The following KIF16B variants were observed in gnomAD, a reference collection of about 807,000 sequenced individuals.
KIF16B encodes kinesin family member 16B, also known as kinesin-like protein KIF16B.
KIF16B carries 98 observed loss-of-function variants against 156.3 expected under a neutral mutation model. The ratio of observed to expected loss-of-function variants is 0.63; its 90% CI spans 0.53 to 0.74. KIF16B has a LOEUF of 0.74. Ranked by LOEUF, KIF16B falls within the 30% of genes least tolerant of loss-of-function variation. The pLI, the probability that KIF16B is intolerant of heterozygous loss-of-function variation, is 0.00. For synonymous variants in KIF16B, 564 were observed against 583.7 expected (o/e 0.97, Z 0.49); for missense variants, 1,421 against 1,606.5 (o/e 0.88, Z 1.97).
intron 6 of KIF16B, among the ~76,000 whole-genome samples, chr20:16,510,794 A>G (rs75850958): frequency 0.24 from 36,243 of 152,220 alleles, 4,949 homozygotes; most frequent in East Asian, 0.36. Context: ...AGAACATGAA[A>G]GCACATCTCT....
intron 17 of KIF16B, among the ~76,000 whole-genome samples, chr20:16,404,589 C>CA (rs2065734266): frequency 6.6e-6 from 1 of 152,014 alleles, no homozygotes; most frequent in Admixed American, 6.6e-5. Flanking sequence ...TGCTGTTAAG[C>CA]AAAAAATCAG....
rs138901840 is a variant in KIF16B at position 16,380,023 on chromosome 20, C to T, written c.1979G>A (p.Arg660His). 129 of 1,596,412 alleles carry T rather than the reference C, an allele frequency of 8.1e-5. No homozygotes were observed. The African/African-American group carries it at 1.3e-3, about 16-fold the overall frequency. ...QIRKQEESLK[R>H]RSFHIENKLK... The stretch of plus-strand genomic sequence containing the variant: ...CTTGTTCTCGATGTGGAAGCTGCGG[C>T]GTTTGAGGCTCTCCTCCTGCTTGCG... The change falls in exon 19 of 26, where the codon CGC becomes CAC. Residue 660 changes from arginine (R) to histidine (H), a missense_variant. Transcript: ENST00000354981.
At chr20:16,436,117 T>A (rs1488800947) in intron 12 of KIF16B, among the ~76,000 whole-genome samples, 1 of 152,274 alleles carries the variant, frequency 6.6e-6, no homozygotes, top group East Asian at 1.9e-4. Flanking sequence ...GCTATAGTTA[T>A]GTTTATATAA....
At chr20:16,364,293 C>A (rs556682130) in intron 22 of KIF16B, among the ~76,000 whole-genome samples, 2 of 152,144 alleles carry the variant, frequency 1.3e-5, no homozygotes, top group Non-Finnish European at 2.9e-5. Context: ...CAGATGAAAT[C>A]ACTATTTCAA....
chr20:16,275,266 G>A (rs1311826221), intron 25 of KIF16B, among the ~76,000 whole-genome samples: 6 of 152,102 alleles, frequency 3.9e-5, no homozygotes, highest in Non-Finnish European at 8.8e-5. Context: ...ATGTTGGCCA[G>A]GCTGGTCTCA....
chr20:16,558,897 C>CAAAAA (rs11478258), intron 1 of KIF16B, among the ~76,000 whole-genome samples: 3 of 62,078 alleles, frequency 4.8e-5, no homozygotes, highest in Admixed American at 2.4e-4. Context: ...GAGCAAGACT[C>CAAAAA]AAAAAAAAAA....
At chr20:16,564,456 G>A (rs898069393) in intron 1 of KIF16B, among the ~76,000 whole-genome samples, 1 of 151,946 alleles carries the variant, frequency 6.6e-6, no homozygotes, top group Non-Finnish European at 1.5e-5. Flanking sequence ...GGTGGGAATT[G>A]AACAATGAGA....
intron 12 of KIF16B, among the ~76,000 whole-genome samples, chr20:16,432,129 A>G (rs2146457751): frequency 6.6e-6 from 1 of 152,190 alleles, no homozygotes; most frequent in East Asian, 1.9e-4. Context: ...CATCAGGCCC[A>G]TCTGACCCCA....
At chr20:16,450,846 A>C (rs992667776) in intron 12 of KIF16B, among the ~76,000 whole-genome samples, 1 of 152,222 alleles carries the variant, frequency 6.6e-6, no homozygotes, top group African/African-American at 2.4e-5. Context: ...TCAAAACCAA[A>C]GAGACTTGAA....
intron 17 of KIF16B, among the ~76,000 whole-genome samples, chr20:16,393,238 C>T (rs1396103990): frequency 6.6e-6 from 1 of 152,002 alleles, no homozygotes; most frequent in African/African-American, 2.4e-5. Flanking sequence ...ATTATGAATA[C>T]TTGTGATTAC....
At chr20:16,431,230 G>A (rs909567634) in intron 12 of KIF16B, among the ~76,000 whole-genome samples, 7 of 152,120 alleles carry the variant, frequency 4.6e-5, no homozygotes, top group South Asian at 2.1e-4. Context: ...CATGTCTCCC[G>A]TGATATACAC....
At chr20:16,304,894 G>C (rs1391230241) in intron 25 of KIF16B, among the ~76,000 whole-genome samples, 1 of 152,136 alleles carries the variant, frequency 6.6e-6, no homozygotes, top group Non-Finnish European at 1.5e-5. Context: ...GAATGAGAAA[G>C]TGTTTTTAGT....
intron 14 of KIF16B, among the ~76,000 whole-genome samples, chr20:16,428,422 A>G (rs1412869405): frequency 6.6e-6 from 1 of 152,122 alleles, no homozygotes; most frequent in Non-Finnish European, 1.5e-5. Flanking sequence ...GCCTGTAAGG[A>G]CCTCATCTGT....
chr20:16,500,093 G>A (rs1181813254), intron 10 of KIF16B, among the ~76,000 whole-genome samples: 1 of 152,136 alleles, frequency 6.6e-6, no homozygotes, highest in African/African-American at 2.4e-5. Flanking sequence ...CCCAACAGGT[G>A]AAAAGGACAT....
At chr20:16,409,199 C>T (rs752556892) in intron 15 of KIF16B, among the ~76,000 whole-genome samples, 2 of 151,920 alleles carry the variant, frequency 1.3e-5, no homozygotes, top group Non-Finnish European at 2.9e-5. Context: ...GTGTCTAAAA[C>T]AAGCTCTGAG....
At chr20:16,513,954 A>C (rs961113685) in intron 4 of KIF16B, among the ~76,000 whole-genome samples, 2 of 152,314 alleles carry the variant, frequency 1.3e-5, no homozygotes, top group South Asian at 4.1e-4. Flanking sequence ...AATAAAAGAA[A>C]GCATGACTGT....
chr20:16,471,241 T>C (rs1223197813), intron 12 of KIF16B, among the ~76,000 whole-genome samples: 1 of 152,072 alleles, frequency 6.6e-6, no homozygotes, highest in Non-Finnish European at 1.5e-5. Flanking sequence ...CTACTAATAA[T>C]TGACATGAAA....
intron 25 of KIF16B, among the ~76,000 whole-genome samples, chr20:16,279,814 T>C (rs114948079): frequency 8.9e-4 from 136 of 152,268 alleles, no homozygotes; most frequent in African/African-American, 3.1e-3. Flanking sequence ...CTAAACACTA[T>C]CAATCTTTTG....
chr20:16,411,161 A>C (rs2065943926), intron 15 of KIF16B, among the ~76,000 whole-genome samples: 1 of 151,956 alleles, frequency 6.6e-6, no homozygotes, highest in Non-Finnish European at 1.5e-5. Context: ...AGTTTCCTTC[A>C]ATTTTTGGTT....
Sources: allele counts gnomAD v4.1 joint callset (sites outside exome capture counted in the v4.1 genomes callset), GRCh38; gene constraint gnomAD v4.1.1; transcripts MANE v1.5; gene names NCBI Gene and HGNC (gene_info 2026-07-23, HGNC 2026-07-21).